Variants in CRPPA observed in about 807,000 individuals in gnomAD.
CRPPA encodes the protein CDP-L-ribitol pyrophosphorylase A, also known as D-ribitol-5-phosphate cytidylyltransferase.
In CRPPA, 43 loss-of-function variants were observed where a neutral mutation model predicts 52.0. That is an observed-to-expected ratio of 0.83 (90% CI 0.65 to 1.07). The LOEUF is 1.07. CRPPA is among the 50% of genes least tolerant of loss of function. CRPPA has a pLI of 0.00. For missense variants in CRPPA, 629 were observed against 551.7 expected (o/e 1.14, Z -1.40); for synonymous variants, 250 against 203.5 (o/e 1.23, Z -1.94).
chr7:16,197,038 C>G (rs1358727881), intron 9 of CRPPA, among the ~76,000 whole-genome samples: 1 of 151,434 alleles, frequency 6.6e-6, no homozygotes, highest in African/African-American at 2.4e-5. Context: ...AAAAAGCTAT[C>G]TACCCAAACC....
At chr7:16,415,600 T>G (rs1788174054) in intron 1 of CRPPA, among the ~76,000 whole-genome samples, 2 of 152,200 alleles carry the variant, frequency 1.3e-5, no homozygotes, top group African/African-American at 4.8e-5. Context: ...TCGTATAACT[T>G]TAATCATCTT....
chr7:16,244,358 T>G (rs1202366862), intron 8 of CRPPA, among the ~76,000 whole-genome samples: 1 of 152,210 alleles, frequency 6.6e-6, no homozygotes, highest in African/African-American at 2.4e-5. Flanking sequence ...TAGATACCAA[T>G]GTACCAACAA....
intron 9 of CRPPA, among the ~76,000 whole-genome samples, chr7:16,144,947 G>T (rs1782946089): frequency 6.6e-6 from 1 of 152,122 alleles, no homozygotes; most frequent in South Asian, 2.1e-4. Context: ...GGCATTCCAG[G>T]TAACAGATGT....
At chr7:16,388,582 A>G (rs943488188) in intron 2 of CRPPA, among the ~76,000 whole-genome samples, 34 of 152,226 alleles carry the variant, frequency 2.2e-4, no homozygotes, top group African/African-American at 7.7e-4. Flanking sequence ...CTCTTATAAA[A>G]TAACAGTTGA....
intron 6 of CRPPA, among the ~76,000 whole-genome samples, chr7:16,260,355 G>A (rs927259694): frequency 6.6e-6 from 1 of 151,984 alleles, no homozygotes; most frequent in African/African-American, 2.4e-5. Flanking sequence ...ATCTCTTGAG[G>A]AGCAGATGGG....
At chr7:16,195,781 A>T (rs1781717198) in intron 9 of CRPPA, among the ~76,000 whole-genome samples, 1 of 152,064 alleles carries the variant, frequency 6.6e-6, no homozygotes, top group Non-Finnish European at 1.5e-5. Context: ...ATTACAGACC[A>T]TCTGCTCAGG....
intron 2 of CRPPA, among the ~76,000 whole-genome samples, chr7:16,399,494 G>C (rs537892226): frequency 8.2e-6 from 1 of 122,574 alleles, no homozygotes; most frequent in Non-Finnish European, 1.6e-5. Flanking sequence ...CAACACATGT[G>C]ACTCGTGACC....
chr7:16,286,015 C>T, intron 5 of CRPPA, among the ~76,000 whole-genome samples: 1 of 44,966 alleles, frequency 2.2e-5, no homozygotes, highest in African/African-American at 1.1e-4. Flanking sequence ...AGTGAAACTC[C>T]ATCTCAAAAA....
At chr7:16,236,557 T>TTCTATGGAA (rs927049573) in intron 8 of CRPPA, among the ~76,000 whole-genome samples, 1 of 152,096 alleles carries the variant, frequency 6.6e-6, no homozygotes, top group Non-Finnish European at 1.5e-5. Flanking sequence ...TCCATTAGCT[T>TTCTATGGAA]TCTATACTTT....
In CRPPA at chr7:16,342,640, C is replaced by T. The variant is rs1186948440; in HGVS notation, c.684+33452G>A. ...AATTAAAAACATGCACAAGGCCGGG[C>T]ACAGTGGATCACACCAGTAATGCCA... On this transcript the variant is annotated intron_variant, in intron 3 of 9. Coordinates refer to ENST00000407010, the MANE Select transcript of CRPPA (RefSeq NM_001101426.4). Among the ~76,000 whole-genome samples, 9 of 150,134 alleles carry T rather than the reference C, an allele frequency of 6.0e-5. No homozygotes were observed. In the South Asian group the frequency reaches 1.3e-3, roughly 21 times the overall value.
At chr7:16,289,451 A>C (rs1355273390) in intron 5 of CRPPA, among the ~76,000 whole-genome samples, 2 of 152,150 alleles carry the variant, frequency 1.3e-5, no homozygotes, top group Non-Finnish European at 2.9e-5. Flanking sequence ...TAGCAAACCA[A>C]ATCTAGCAGC....
chr7:16,163,036 C>A (rs1447871310), intron 9 of CRPPA, among the ~76,000 whole-genome samples: 1 of 135,360 alleles, frequency 7.4e-6, no homozygotes, highest in African/African-American at 2.8e-5. Context: ...TGCAGTGGTG[C>A]GATCTCAGCT....
At chr7:16,096,202 C>T (rs1275580590) in intron 9 of CRPPA, among the ~76,000 whole-genome samples, 3 of 151,722 alleles carry the variant, frequency 2.0e-5, no homozygotes, top group Admixed American at 6.6e-5. Flanking sequence ...TAATCTTGAG[C>T]TTTTATAATG....
At chr7:16,149,146 G>T (rs562844137) in intron 9 of CRPPA, among the ~76,000 whole-genome samples, 89 of 152,202 alleles carry the variant, frequency 5.8e-4, no homozygotes, top group Non-Finnish European at 1.1e-3. Context: ...TATACATATG[G>T]TTTGTTTCAC....
chr7:16,089,178 G>A lies in CRPPA; in HGVS notation c.*2517C>T, dbSNP rs570191789. 4.8e-5 allele frequency: 15 copies of A among 310,660 alleles called. No homozygotes were observed. Among genetic ancestry groups the A allele is most frequent in the Admixed American group, 2.1e-4 (8 of 38,588 alleles). The allele number at this position is 310,660 out of a possible 1,614,324, so 19.2% of individuals were successfully genotyped here. A position where few individuals can be genotyped will look rare whatever the true frequency, so the allele number is the denominator to read the frequency against. On this transcript the variant is annotated 3_prime_UTR_variant, in exon 10 of 10. Coordinates refer to ENST00000407010, the MANE Select transcript of CRPPA (RefSeq NM_001101426.4). ...AACATAAAAATACATATATACGTAC[G>A]TATATACATATATGTGTGTATATAC...
At chr7:16,332,381 C>T (rs1159889652) in intron 3 of CRPPA, among the ~76,000 whole-genome samples, 3 of 152,004 alleles carry the variant, frequency 2.0e-5, no homozygotes, top group Non-Finnish European at 2.9e-5. Context: ...GGTAAAAACT[C>T]ATTTTTATTA....
rs558766518 is a variant in CRPPA at position 16,278,332 on chromosome 7, T to C, written c.836-106A>G. ...GATGTTCTTAGCTGTTGACCAAGAA[T>C]AGGGAGGTTTTGATTTCAGGCCAAG... On this transcript the variant is annotated intron_variant, in intron 5 of 9. Coordinates refer to ENST00000407010, the MANE Select transcript of CRPPA (RefSeq NM_001101426.4). The C allele has an allele frequency of 1.2e-4, 78 of 634,550 alleles. 2 individuals carry two copies. The South Asian group carries it at 1.3e-3, about 11-fold the overall frequency. 39.3% of individuals were successfully genotyped at this position (634,550 alleles called of 1,614,324 possible). A position where few individuals can be genotyped will look rare whatever the true frequency, so the allele number is the denominator to read the frequency against.
At chr7:16,254,784 A>AGAAGGAAG (rs1554299363) in intron 8 of CRPPA, among the ~76,000 whole-genome samples, 2 of 120,084 alleles carry the variant, frequency 1.7e-5, no homozygotes, top group East Asian at 2.6e-4. Context: ...AAAGAAAGAA[A>AGAAGGAAG]GAAAGAAGGA....
chr7:16,096,797 T>C (rs1005307091), intron 9 of CRPPA, among the ~76,000 whole-genome samples: 1 of 152,112 alleles, frequency 6.6e-6, no homozygotes. Flanking sequence ...AGAGACCAGC[T>C]AAAAAGGGGG....
Sources: gnomAD v4.1 joint callset for allele counts (sites outside exome capture counted in the v4.1 genomes callset) on GRCh38, gnomAD v4.1.1 for gene constraint, MANE v1.5 for transcripts, NCBI Gene and HGNC (gene_info 2026-07-23, HGNC 2026-07-21) for gene names.